Variants in NBEA observed in about 807,000 individuals in gnomAD.
The protein encoded by NBEA is neurobeachin.
Under a neutral mutation model 343.4 loss-of-function variants are expected in NBEA, and 44 were observed. The observed-to-expected ratio is 0.13, with a 90% confidence interval of 0.10 to 0.16. NBEA has a LOEUF of 0.16. Among genes scored for constraint, NBEA ranks in the 10% least tolerant of loss-of-function variants. NBEA has a pLI of 1.00. For synonymous variants in NBEA, 1,175 were observed against 1,238.7 expected (o/e 0.95, Z 1.08); for missense variants, 2,555 against 3,631.3 (o/e 0.70, Z 7.62).
intron 30 of NBEA, among the ~76,000 whole-genome samples, chr13:35,189,366 C>T (rs962865834): frequency 5.3e-5 from 8 of 151,974 alleles, no homozygotes; most frequent in Non-Finnish European, 1.0e-4. Flanking sequence ...AAGTTATTTG[C>T]CTATGCTTTA....
At chr13:35,223,375 C>A (rs890973761) in intron 33 of NBEA, among the ~76,000 whole-genome samples, 4 of 152,012 alleles carry the variant, frequency 2.6e-5, no homozygotes, top group Admixed American at 2.6e-4. Context: ...CTTTATTTTA[C>A]CATCTTTTTC....
intron 36 of NBEA, among the ~76,000 whole-genome samples, chr13:35,328,654 T>C (rs148803299): frequency 3.8e-4 from 58 of 151,926 alleles, no homozygotes; most frequent in African/African-American, 1.3e-3. Flanking sequence ...AATTAACATA[T>C]AAATATATTT....
At chr13:35,280,141 T>C (rs2034948734) in intron 34 of NBEA, among the ~76,000 whole-genome samples, 1 of 152,152 alleles carries the variant, frequency 6.6e-6, no homozygotes, top group Admixed American at 6.6e-5. Flanking sequence ...AGTAGGATTG[T>C]TCTAATTACA....
intron 41 of NBEA, among the ~76,000 whole-genome samples, chr13:35,502,395 A>C (rs1255529936): frequency 6.6e-6 from 1 of 152,100 alleles, no homozygotes; most frequent in Non-Finnish European, 1.5e-5. Context: ...AATAATTATA[A>C]TTTCTAAGGA....
chr13:35,509,096 T>C (rs1436902910), intron 41 of NBEA, among the ~76,000 whole-genome samples: 1 of 152,196 alleles, frequency 6.6e-6, no homozygotes, highest in Non-Finnish European at 1.5e-5. Flanking sequence ...GCGGATGCCA[T>C]TGTGTCTCTT....
intron 39 of NBEA, among the ~76,000 whole-genome samples, chr13:35,445,212 C>T (rs1025962024): frequency 4.6e-5 from 7 of 152,026 alleles, no homozygotes; most frequent in South Asian, 2.1e-4. Context: ...CCCCTCTTTA[C>T]GTAAATCTTA....
At chr13:35,022,111 GTATAGTCGT>G (rs2061864861) in intron 1 of NBEA, among the ~76,000 whole-genome samples, 1 of 152,088 alleles carries the variant, frequency 6.6e-6, no homozygotes, top group African/African-American at 2.4e-5. Context: ...ATTTAAAAGT[GTATAGTCGT>G]TTGGCCATTA....
chr13:35,527,567 G>C (rs999458347), intron 41 of NBEA, among the ~76,000 whole-genome samples: 1 of 152,206 alleles, frequency 6.6e-6, no homozygotes, highest in Non-Finnish European at 1.5e-5. Flanking sequence ...GCGGCGGAGG[G>C]CTGGCATGTC....
rs563651310 is a variant in NBEA, at chr13:35,118,211, T to A, written c.2083-17T>A. The A allele has an allele frequency of 1.4e-6, 2 of 1,421,172 alleles. No homozygotes were observed. Among genetic ancestry groups the A allele is most frequent in the South Asian group, 3.0e-5 (2 of 66,042 alleles). 88.0% of individuals were successfully genotyped at this position (1,421,172 alleles called of 1,614,324 possible). A position where few individuals can be genotyped will look rare whatever the true frequency, so the allele number is the denominator to read the frequency against. ...TAATTTTAGATGTAAAGTAATAAAA[T>A]ATTTTTTAAAAATTAGGATCGAGGG... On this transcript the variant is annotated splice_polypyrimidine_tract_variant and intron_variant, in intron 14 of 58. Coordinates refer to ENST00000379939, the MANE Select transcript of NBEA (RefSeq NM_001385012.1).
chr13:35,565,283 A>G (rs1167839289), intron 44 of NBEA, among the ~76,000 whole-genome samples: 1 of 152,264 alleles, frequency 6.6e-6, no homozygotes, highest in Non-Finnish European at 1.5e-5. Flanking sequence ...TAATAAACAG[A>G]TAAAATAGTC....
At chr13:35,478,380 C>T (rs1172041125) in intron 41 of NBEA, among the ~76,000 whole-genome samples, 4 of 152,188 alleles carry the variant, frequency 2.6e-5, no homozygotes, top group Admixed American at 2.6e-4. Context: ...GAATGCACCA[C>T]TACCTTTTGG....
chr13:35,121,900 A>G (rs1422063737), intron 16 of NBEA, among the ~76,000 whole-genome samples: 2 of 152,170 alleles, frequency 1.3e-5, no homozygotes, highest in East Asian at 3.8e-4. Flanking sequence ...TTTTTCAGAA[A>G]CATATTTAAT....
At chr13:35,032,526 A>C (rs759221012) in intron 1 of NBEA, among the ~76,000 whole-genome samples, 24 of 151,558 alleles carry the variant, frequency 1.6e-4, no homozygotes, top group African/African-American at 5.5e-4. Context: ...TAAGTTCCTT[A>C]TAGATTATGG....
intron 34 of NBEA, among the ~76,000 whole-genome samples, chr13:35,270,343 G>T (rs117269082): frequency 0.03 from 4,529 of 152,276 alleles, 101 homozygotes; most frequent in Non-Finnish European, 0.045. Context: ...TTGTCAAGAA[G>T]AATGGTTACA....
At chr13:35,124,706 A>G (rs1470544668) in intron 17 of NBEA, among the ~76,000 whole-genome samples, 6 of 151,536 alleles carry the variant, frequency 4.0e-5, no homozygotes, top group Admixed American at 2.0e-4. Flanking sequence ...ATACACACAT[A>G]TATGTATGGA....
At position 35,096,856 on chromosome 13, in the gene NBEA, T is replaced by G. The variant is rs1263102016; in HGVS notation, c.1572-1441T>G. On this transcript the variant is annotated intron_variant, in intron 10 of 58. Coordinates refer to ENST00000379939, the MANE Select transcript of NBEA (RefSeq NM_001385012.1). ...ACAGCTGTGCTTCTTTACAGAAACA[T>G]TTTTTTAAATCCCAAGAGATTCCTT... Among the ~76,000 whole-genome samples the G allele has an allele frequency of 3.3e-5, 5 of 151,910 alleles. No homozygotes were observed. In the East Asian group the frequency reaches 9.6e-4, roughly 29 times the overall value.
In NBEA at chr13:35,510,660, G is replaced by A. The variant is rs576886951; in HGVS notation, c.6585+38124G>A. On this transcript the variant is annotated intron_variant, in intron 41 of 58. Coordinates refer to ENST00000379939, the MANE Select transcript of NBEA (RefSeq NM_001385012.1). ...AAGGAAGAAAGGGAAAGCAAGGTGG[G>A]AAAGAAGGTAAAAGAGGGAAGAAGG... 5.9e-5 allele frequency among the ~76,000 whole-genome samples: 9 copies of A among 152,260 alleles called. No individual in the cohort carries two copies. In the East Asian group the frequency reaches 1.7e-3, roughly 29 times the overall value.
At chr13:35,386,250 A>G (rs2042238616) in intron 38 of NBEA, among the ~76,000 whole-genome samples, 1 of 152,156 alleles carries the variant, frequency 6.6e-6, no homozygotes, top group Non-Finnish European at 1.5e-5. Flanking sequence ...TTTGTTTGCA[A>G]AATATATTGA....
chr13:35,480,731 A>G (rs1211733716), intron 41 of NBEA, among the ~76,000 whole-genome samples: 1 of 151,756 alleles, frequency 6.6e-6, no homozygotes, highest in African/African-American at 2.4e-5. Context: ...CAGACACAAT[A>G]TATTTCTTTT....
Sources: allele counts gnomAD v4.1 joint callset (sites outside exome capture counted in the v4.1 genomes callset), GRCh38; gene constraint gnomAD v4.1.1; transcripts MANE v1.5; gene names NCBI Gene and HGNC (gene_info 2026-07-23, HGNC 2026-07-21).